HPCAL1: variants seen among roughly 807,000 people sequenced by gnomAD.
The protein encoded by HPCAL1 is hippocalcin-like protein 1.
Under a neutral mutation model 17.1 loss-of-function variants are expected in HPCAL1, and 8 were observed. The observed-to-expected ratio is 0.47, with a 90% confidence interval of 0.27 to 0.84. The LOEUF is 0.84. HPCAL1 is among the 40% of genes least tolerant of loss of function. The pLI is 0.13. For missense variants in HPCAL1, 165 were observed against 271.1 expected (o/e 0.61, Z 2.75); for synonymous variants, 112 against 111.4 (o/e 1.01, Z -0.03).
At position 10,331,280 on chromosome 2, in the gene HPCAL1, C is replaced by T. The variant is rs1488407373; in HGVS notation, c.-111+28103C>T. On this transcript the variant is annotated intron_variant, in intron 1 of 4. Transcript: ENST00000307845. The surrounding 1 kb of genome is among the most constrained non-coding windows in gnomAD (Gnocchi z 5.0). ...CTCAGCACGTCCGCCTCTCCTGCCT[C>T]CTGAGCCCACAGGCGCCCTTCCTGT... 6.6e-6 allele frequency among the ~76,000 whole-genome samples: 1 copy of T among 152,164 alleles called. No homozygotes were observed. Among genetic ancestry groups the T allele is most frequent in the East Asian group, 1.9e-4 (1 of 5,170 alleles).
chr2:10,424,696 C>T (rs1185251610), intron 4 of HPCAL1: 4 of 461,458 alleles, frequency 8.7e-6, no homozygotes, highest in South Asian at 1.6e-5. Context: ...CCAGGGGACC[C>T]GCCTGTCCCT....
At position 10,390,428 on chromosome 2, in the gene HPCAL1, C is replaced by T. The variant is rs1455403064; in HGVS notation, c.-110-6407C>T. On this transcript the variant is annotated intron_variant, in intron 1 of 4. Transcript: ENST00000307845. The stretch of plus-strand genomic sequence containing the variant: ...GCAACTGTGCTTATCACCCGGAGGC[C>T]ACAGTGGAATTAGTCATTTGAAAAC... Among the ~76,000 whole-genome samples, 3 of 152,250 alleles carry T rather than the reference C, an allele frequency of 2.0e-5. No individual in the cohort carries two copies. The East Asian group carries it at 5.8e-4, about 29-fold the overall frequency.
rs1019730433 is a variant in HPCAL1, at chr2:10,330,894, G to C, written c.-111+27717G>C. On this transcript the variant is annotated intron_variant, in intron 1 of 4. Transcript: ENST00000307845. This position sits in a 1 kb window ranked among gnomAD's most constrained non-coding sequence, Gnocchi z 4.2. ...AGGTTCCCAGGCCCACACCGTGCTG[G>C]TTGAGTCAGAGCTTCTGGGTGCAGC... Among the ~76,000 whole-genome samples, 2 of 152,182 alleles carry C rather than the reference G, an allele frequency of 1.3e-5. No individual in the cohort carries two copies. Among genetic ancestry groups the C allele is most frequent in the Non-Finnish European group, 2.9e-5 (2 of 68,026 alleles).
At position 10,304,262 on chromosome 2, in the gene HPCAL1, CTTTGG is replaced by C. The variant is rs1662470120; in HGVS notation, c.-111+1088_-111+1092del. 6.6e-6 allele frequency among the ~76,000 whole-genome samples: 1 copy of C among 152,222 alleles called. No individual in the cohort carries two copies. Among genetic ancestry groups the C allele is most frequent in the African/African-American group, 2.4e-5 (1 of 41,460 alleles). On this transcript the variant is annotated intron_variant, in intron 1 of 4. Transcript: ENST00000307845. This position sits in a 1 kb window ranked among gnomAD's most constrained non-coding sequence, Gnocchi z 4.1. ...GGCAGCGACTGCGGAGTTGAGAACC[CTTTGG>C]TTCAACAAGTTCCTAGTCCGGGAGG...
rs1456504100 is a variant in HPCAL1, at chr2:10,420,090, C to T, written c.333C>T (p.Asp111=). The change falls in exon 3 of 5, where the codon GAC becomes GAT. Residue 111 remains aspartate (D), a synonymous_variant. Transcript: ENST00000307845. ...LKWAFSMYDL[D]GNGYISRSEM... ...GGGCCTTCAGCATGTACGACCTGGA[C>T]GGCAACGGCTACATCAGCCGCAGCG... 4 of 1,613,334 alleles carry T rather than the reference C, an allele frequency of 2.5e-6. No homozygotes were observed. The African/African-American group carries it at 4.0e-5, about 16-fold the overall frequency.
At chr2:10,373,338 C>T (rs1256992678) in intron 1 of HPCAL1, among the ~76,000 whole-genome samples, 1 of 152,140 alleles carries the variant, frequency 6.6e-6, no homozygotes, top group African/African-American at 2.4e-5. Flanking sequence ...GGGCCTGGGC[C>T]CCCAGCAGGT....
At position 10,330,195 on chromosome 2, in the gene HPCAL1, C is replaced by G. The variant is rs1664270646; in HGVS notation, c.-111+27018C>G. ...TGTTCGGGGCTGTCTGTCGGCGCCA[C>G]AGGGAATGGGGGCTGGTGAGTCGTG... On this transcript the variant is annotated intron_variant, in intron 1 of 4. Coordinates refer to ENST00000307845, the MANE Select transcript of HPCAL1 (RefSeq NM_002149.4). The surrounding 1 kb of genome is among the most constrained non-coding windows in gnomAD (Gnocchi z 4.2). 2 of 152,052 alleles carry G rather than the reference C, an allele frequency of 1.3e-5. No homozygotes were observed. The highest frequency in any genetic ancestry group is 1.3e-4 in the Admixed American group (2 of 15,262). 9.4% of individuals were successfully genotyped at this position (152,052 alleles called of 1,614,324 possible). A position where few individuals can be genotyped will look rare whatever the true frequency, so the allele number is the denominator to read the frequency against.
intron 1 of HPCAL1, among the ~76,000 whole-genome samples, chr2:10,388,193 C>T (rs1047775878): frequency 3.3e-5 from 5 of 152,160 alleles, no homozygotes; most frequent in African/African-American, 4.8e-5. Context: ...GGATTGGGAG[C>T]GGATTTATTG....
rs866450864 is a variant in HPCAL1, at chr2:10,362,869, A to G, written c.-110-33966A>G. Among the ~76,000 whole-genome samples the G allele has an allele frequency of 7.9e-5, 12 of 152,184 alleles. No homozygotes were observed. The highest frequency in any genetic ancestry group is 2.9e-4 in the African/African-American group (12 of 41,458). ...GTGTTAGAGAGGGTGAGTTTGGACC[A>G]TTCCTGAGCAGAGGGGGACCTCAGA... is the stretch of plus-strand genomic sequence containing the variant. On this transcript the variant is annotated intron_variant, in intron 1 of 4. Coordinates refer to ENST00000307845, the MANE Select transcript of HPCAL1 (RefSeq NM_002149.4). The surrounding 1 kb of genome is among the most constrained non-coding windows in gnomAD (Gnocchi z 5.0).
At chr2:10,422,778 C>T (rs1671143939) in intron 3 of HPCAL1, among the ~76,000 whole-genome samples, 1 of 152,242 alleles carries the variant, frequency 6.6e-6, no homozygotes, top group Non-Finnish European at 1.5e-5. Context: ...CAGTAGAACC[C>T]TTCTGCCAGC....
At chr2:10,370,977 C>G (rs1458713677) in intron 1 of HPCAL1, among the ~76,000 whole-genome samples, 2 of 152,178 alleles carry the variant, frequency 1.3e-5, no homozygotes, top group African/African-American at 4.8e-5. Context: ...GCAGAGCTGG[C>G]ACCTCCAGGC....
At chr2:10,422,015 C>T (rs1000806957) in intron 3 of HPCAL1, among the ~76,000 whole-genome samples, 2 of 152,164 alleles carry the variant, frequency 1.3e-5, no homozygotes, top group South Asian at 4.1e-4. Context: ...AACCCTTACC[C>T]TTTGCAAATA....
At chr2:10,324,828 T>G (rs1335548353) in intron 1 of HPCAL1, among the ~76,000 whole-genome samples, 1 of 114,958 alleles carries the variant, frequency 8.7e-6, no homozygotes, top group African/African-American at 3.1e-5. Flanking sequence ...TTTTTTTTTT[T>G]TTTTTTTTTT....
At position 10,336,765 on chromosome 2, in the gene HPCAL1, G is replaced by A. The variant is rs571236484; in HGVS notation, c.-111+33588G>A. 8.5e-5 allele frequency among the ~76,000 whole-genome samples: 13 copies of A among 152,322 alleles called. No homozygotes were observed. In the South Asian group the frequency reaches 2.7e-3, roughly 32 times the overall value. On this transcript the variant is annotated intron_variant, in intron 1 of 4. Transcript: ENST00000307845. Reference sequence around the variant, plus strand: ...TCTATTTCTGTTTTTCCTCTTTAGAGACAGGATATTGCTGTGGCACCCAGG... The same window carrying A: ...TCTATTTCTGTTTTTCCTCTTTAGAAACAGGATATTGCTGTGGCACCCAGG...
Position 10,383,944 on chromosome 2 carries a change from G to A in HPCAL1, c.-110-12891G>A, listed in dbSNP as rs113284166. Among the ~76,000 whole-genome samples, 902 of 152,052 alleles carry A rather than the reference G, an allele frequency of 5.9e-3. 2 individuals carry two copies. Among genetic ancestry groups the A allele is most frequent in the Middle Eastern group, 0.034 (10 of 294 alleles). On this transcript the variant is annotated intron_variant, in intron 1 of 4. Transcript: ENST00000307845. ...TCTCCAGACATTGCCAAATGTACCC[G>A]GGAAAATCACTCAGGTTGAAGTCAC...
intron 2 of HPCAL1, among the ~76,000 whole-genome samples, chr2:10,401,491 C>T (rs910489728): frequency 2.6e-5 from 4 of 152,026 alleles, no homozygotes; most frequent in Non-Finnish European, 4.4e-5. Flanking sequence ...TAGAATGTGT[C>T]TGATGGGGCT....
At position 10,394,589 on chromosome 2, in the gene HPCAL1, CG is replaced by C. The variant is rs1407407706; in HGVS notation, c.-110-2244del. 1.3e-5 allele frequency among the ~76,000 whole-genome samples: 2 copies of C among 152,114 alleles called. No individual in the cohort carries two copies. Among genetic ancestry groups the C allele is most frequent in the Non-Finnish European group, 1.5e-5 (1 of 68,022 alleles). On this transcript the variant is annotated intron_variant, in intron 1 of 4. Coordinates refer to ENST00000307845, the MANE Select transcript of HPCAL1 (RefSeq NM_002149.4). This position sits in a 1 kb window ranked among gnomAD's most constrained non-coding sequence, Gnocchi z 5.0. ...ATCGGTACACGTTTGTCAAAGCCCACGGAGTGGCCCACGCCAAGAGGGAACC... is the reference window on the plus strand; with the variant it reads ...ATCGGTACACGTTTGTCAAAGCCCACGAGTGGCCCACGCCAAGAGGGAACC...
intron 1 of HPCAL1, among the ~76,000 whole-genome samples, chr2:10,321,276 G>A (rs886508725): frequency 5.3e-5 from 8 of 152,126 alleles, no homozygotes; most frequent in Admixed American, 3.9e-4. Flanking sequence ...CAGAACCAAG[G>A]GGATGGTGAG....
intron 2 of HPCAL1, among the ~76,000 whole-genome samples, chr2:10,399,446 C>T (rs1441975369): frequency 1.0e-5 from 1 of 98,218 alleles, no homozygotes; most frequent in Non-Finnish European, 2.3e-5. Flanking sequence ...CCACCATCAC[C>T]ATCACCACCA....
Sources: gnomAD v4.1 joint callset for allele counts (sites outside exome capture counted in the v4.1 genomes callset) on GRCh38, gnomAD v4.1.1 for gene constraint, Gnocchi (gnomAD v3.1) non-coding constraint, MANE v1.5 for transcripts, NCBI Gene and HGNC (gene_info 2026-07-23, HGNC 2026-07-21) for gene names.